The following SPRR2G variants were observed in gnomAD, a reference collection of about 807,000 sequenced individuals.
The protein encoded by SPRR2G is small proline-rich protein 2G.
A neutral mutation model predicts 0.7 loss-of-function variants in SPRR2G; 1 was observed. The ratio of observed to expected loss-of-function variants is 1.49; its 90% CI spans 0.53 to 7.06. SPRR2G has a LOEUF of 7.06. SPRR2G is among the 30% of genes most tolerant of loss of function. SPRR2G has a pLI of 0.14. For synonymous variants in SPRR2G, 38 were observed against 33.9 expected, an observed-to-expected ratio of 1.12 and a Z score of -0.42; for missense variants, 96 against 88.5, an observed-to-expected ratio of 1.09 and a Z score of -0.34.
At chr1:153,189,274 C>G in the SPRR2G span, among the ~76,000 whole-genome samples, 2 of 152,062 alleles carry the variant, frequency 1.3e-5, no homozygotes, top group Admixed American at 6.5e-5. Context: ...TATTTATTGA[C>G]TACTCTCTTT....
the SPRR2G span, among the ~76,000 whole-genome samples, chr1:153,166,845 CT>C: frequency 7.3e-5 from 11 of 151,442 alleles, no homozygotes; most frequent in Non-Finnish European, 1.3e-4. Flanking sequence ...GTGCTTGGCA[CT>C]TTAGGAAGTT....
At chr1:153,151,356 T>A (rs1656464070), upstream of SPRR2G, among the ~76,000 whole-genome samples, 1 of 152,204 alleles carries the variant, frequency 6.6e-6, no homozygotes, top group Non-Finnish European at 1.5e-5. Context: ...TCATGGCCTA[T>A]TGATCCTTAG....
At chr1:153,182,626 G>A in the SPRR2G span, among the ~76,000 whole-genome samples, 9 of 152,174 alleles carry the variant, frequency 5.9e-5, no homozygotes, top group African/African-American at 1.9e-4. Flanking sequence ...CCACTTATGA[G>A]TGAGAACTTA....
the SPRR2G span, among the ~76,000 whole-genome samples, chr1:153,199,772 C>T: frequency 1.3e-5 from 2 of 151,758 alleles, no homozygotes; most frequent in South Asian, 2.1e-4. Context: ...AGAAATCATG[C>T]GATTTCTTAG....
the SPRR2G span, among the ~76,000 whole-genome samples, chr1:153,165,126 G>A: frequency 1.3e-5 from 2 of 152,102 alleles, no homozygotes; most frequent in African/African-American, 4.8e-5. Context: ...TTGCACCCAG[G>A]CAGCTTTCAG....
chr1:153,156,316 A>G, the SPRR2G span, among the ~76,000 whole-genome samples: 1 of 152,214 alleles, frequency 6.6e-6, no homozygotes, highest in Non-Finnish European at 1.5e-5. Context: ...AGCAATTGGA[A>G]TTACAGATAA....
the SPRR2G span, among the ~76,000 whole-genome samples, chr1:153,172,062 A>T: frequency 6.6e-6 from 1 of 152,166 alleles, no homozygotes; most frequent in East Asian, 1.9e-4. Context: ...AGCGACCTAC[A>T]GCTTCAGGTA....
chr1:153,172,125 G>T, the SPRR2G span, among the ~76,000 whole-genome samples: 2 of 152,080 alleles, frequency 1.3e-5, no homozygotes, highest in Non-Finnish European at 2.9e-5. Flanking sequence ...CATGTCCCAT[G>T]AGAGGACCAG....
At chr1:153,184,070 T>G in the SPRR2G span, among the ~76,000 whole-genome samples, 1 of 152,184 alleles carries the variant, frequency 6.6e-6, no homozygotes, top group South Asian at 2.1e-4. Flanking sequence ...TCTGTTCTAT[T>G]GGTCTATATA....
At chr1:153,195,704 C>T in the SPRR2G span, among the ~76,000 whole-genome samples, 1 of 152,196 alleles carries the variant, frequency 6.6e-6, no homozygotes, top group Non-Finnish European at 1.5e-5. Context: ...TTATTTATCA[C>T]CTCCTCTCCT....
the SPRR2G span, among the ~76,000 whole-genome samples, chr1:153,201,045 T>C: frequency 6.6e-6 from 1 of 152,166 alleles, no homozygotes. Context: ...TTCAGGGTCC[T>C]CTTCTAACCC....
At chr1:153,175,911 G>T in the SPRR2G span, among the ~76,000 whole-genome samples, 4 of 152,078 alleles carry the variant, frequency 2.6e-5, no homozygotes, top group East Asian at 7.7e-4. Flanking sequence ...ACAAAAATTA[G>T]CCAGATGTGG....
chr1:153,191,527 A>G, the SPRR2G span: 1 of 152,264 alleles, frequency 6.6e-6, no homozygotes, highest in African/African-American at 2.4e-5. Context: ...CACATTTTAC[A>G]TAAGTAGATA....
the SPRR2G span, among the ~76,000 whole-genome samples, chr1:153,161,505 TTC>T: frequency 6.6e-6 from 1 of 152,018 alleles, no homozygotes; most frequent in African/African-American, 2.4e-5. Flanking sequence ...TGCAAATATT[TTC>T]TCTCATTCTG....
the SPRR2G span, among the ~76,000 whole-genome samples, chr1:153,192,477 A>C: frequency 1.4e-4 from 22 of 152,338 alleles, no homozygotes; most frequent in Non-Finnish European, 2.5e-4. Context: ...AGAACAATCA[A>C]GAGTGGAGAT....
At chr1:153,190,611 GAAC>G in the SPRR2G span, 1 of 152,192 alleles carries the variant, frequency 6.6e-6, no homozygotes, top group Non-Finnish European at 1.5e-5. Context: ...CAAGAACACA[GAAC>G]ATTCACATCT....
chr1:153,175,569 C>T, the SPRR2G span, among the ~76,000 whole-genome samples: 2 of 152,218 alleles, frequency 1.3e-5, no homozygotes, highest in South Asian at 2.1e-4. Flanking sequence ...TTCAGGCAAA[C>T]TCTCATGGAT....
chr1:153,196,462 T>C, the SPRR2G span, among the ~76,000 whole-genome samples: 2 of 152,254 alleles, frequency 1.3e-5, no homozygotes, highest in South Asian at 4.1e-4. Flanking sequence ...CATCTGTTGA[T>C]GGACATTTAG....
the SPRR2G span, among the ~76,000 whole-genome samples, chr1:153,171,802 C>T: frequency 1.3e-5 from 2 of 152,112 alleles, no homozygotes; most frequent in African/African-American, 4.8e-5. Flanking sequence ...CCAAATAATA[C>T]AACAAAGCAA....
Sources: gnomAD v4.1 joint callset for allele counts (sites outside exome capture counted in the v4.1 genomes callset) on GRCh38, gnomAD v4.1.1 for gene constraint, MANE v1.5 for transcripts, NCBI Gene and HGNC (gene_info 2026-07-23, HGNC 2026-07-21) for gene names.